The following ADAM8 variants were observed in gnomAD, a reference collection of about 807,000 sequenced individuals.
The protein encoded by ADAM8 is ADAM metallopeptidase domain 8.
ADAM8 carries 104 observed loss-of-function variants against 102.4 expected under a neutral mutation model. The observed-to-expected ratio is 1.02, with a 90% confidence interval of 0.87 to 1.20. The LOEUF is 1.20. ADAM8 is among the 50% of genes most tolerant of loss of function. ADAM8 has a pLI of 0.00. For missense variants in ADAM8, 1,132 were observed against 1,159.0 expected, an observed-to-expected ratio of 0.98 and a Z score of 0.34; for synonymous variants, 517 against 485.2, an observed-to-expected ratio of 1.07 and a Z score of -0.86.
At position 133,272,874 on chromosome 10, in the gene ADAM8, C is replaced by T; in HGVS notation, c.637-8G>A. ...GCTCCCCAGCATCTGGAACTGGGGA[C>T]ACGAGACCCTCAGGCTGGAGCCCAC... On this transcript the variant is annotated splice_region_variant and splice_polypyrimidine_tract_variant and intron_variant, in intron 7 of 22. Coordinates refer to ENST00000445355, the MANE Select transcript of ADAM8 (RefSeq NM_001109.5). 1 of 1,611,426 alleles carries T rather than the reference C, an allele frequency of 6.2e-7. No homozygotes were observed.
At chr10:133,271,461 C>T in intron 12 of ADAM8, 67 bp downstream of exon 12, 1 of 1,498,956 alleles carries the variant, frequency 6.7e-7, no homozygotes, top group Non-Finnish European at 9.0e-7. Context: ...AGTGGTCACC[C>T]TGGCCTGAAG....
chr10:133,274,393 AGAGGGTGGAGGGTGGAGGGTAGGGG>A, intron 2 of ADAM8, among the ~76,000 whole-genome samples, 158 bp from the exon 3 acceptor site: 1 of 122,060 alleles, frequency 8.2e-6, no homozygotes. Context: ...CAGGCAGGGT[AGAGGGTGGAGGGTGGAGGGTAGGGG>A]GCAGGGGGTG....
At chr10:133,275,164 G>C (rs927341575) in intron 2 of ADAM8, among the ~76,000 whole-genome samples, 1 of 152,152 alleles carries the variant, frequency 6.6e-6, no homozygotes, top group South Asian at 2.1e-4. Context: ...TGTCAACTCT[G>C]CGGTGAGCCA....
intron 8 of ADAM8, 62 bp downstream of exon 8, chr10:133,272,736 C>T (rs1846584345): frequency 1.4e-6 from 2 of 1,442,914 alleles, no homozygotes. Context: ...AACCCTGTGG[C>T]AACACCCCCC....
chr10:133,266,983 C>T (rs925593042), intron 21 of ADAM8, among the ~76,000 whole-genome samples: 1 of 113,882 alleles, frequency 8.8e-6, no homozygotes, highest in Non-Finnish European at 1.6e-5. Flanking sequence ...CCAAGGGAAG[C>T]GCGGAACGTG....
At chr10:133,271,330 C>G (rs909326419) in intron 12 of ADAM8, 41 bp from the exon 13 acceptor site, 3 of 1,588,522 alleles carry the variant, frequency 1.9e-6, no homozygotes, top group Admixed American at 3.5e-5. Context: ...GCACTGGGGC[C>G]GGGCTGGGCT....
In ADAM8 at chr10:133,273,367, C is replaced by T. The variant is rs776867006; in HGVS notation, c.460G>A (p.Val154Met). ...TGCAGCAGGTGCTCAGCCTGGTACA[C>T]GGCGTGCCGTCCGCCCTCGCCACCT... is the stretch of plus-strand genomic sequence containing the variant. ...DEGGEGGRHA[V>M]YQAEHLLQTA... is the part of the protein sequence containing the mutation. Residue 154 changes from valine to methionine, a missense_variant, in exon 6 of 23, where the codon GTG becomes ATG. Coordinates refer to ENST00000445355, the MANE Select transcript of ADAM8 (RefSeq NM_001109.5). 91 of 1,556,706 alleles carry T rather than the reference C, an allele frequency of 5.8e-5. No homozygotes were observed. The highest frequency in any genetic ancestry group is 2.9e-4 in the African/African-American group (21 of 73,328).
chr10:133,269,642 G>T (rs1846451599), intron 17 of ADAM8, 113 bp from the exon 18 acceptor site: 1 of 1,147,790 alleles, frequency 8.7e-7, no homozygotes, highest in Non-Finnish European at 1.2e-6. Context: ...GGGCCCCTCG[G>T]TCCCTGCCCA....
At chr10:133,267,293 C>A (rs1450984033) in intron 21 of ADAM8, 59 bp downstream of exon 21, 57 of 1,536,454 alleles carry the variant, frequency 3.7e-5, no homozygotes, top group Non-Finnish European at 2.9e-5. Context: ...AGACCCCAAT[C>A]CCATCAGGAA....
Position 133,273,350 on chromosome 10 carries a change from G to A in ADAM8, c.477C>T (p.His159=). 1 of 1,567,508 alleles carries A rather than the reference G, an allele frequency of 6.4e-7. No individual in the cohort carries two copies. Among genetic ancestry groups the A allele is most frequent in the Non-Finnish European group, 8.6e-7 (1 of 1,157,034 alleles). Residue 159 remains histidine (H), a synonymous_variant, in exon 6 of 23, where the codon CAC becomes CAT. Coordinates refer to ENST00000445355, the MANE Select transcript of ADAM8 (RefSeq NM_001109.5). ...CGCAGGTCCCGGCCGTCTGCAGCAGGTGCTCAGCCTGGTACACGGCGTGCC... is the reference window on the plus strand; with the variant it reads ...CGCAGGTCCCGGCCGTCTGCAGCAGATGCTCAGCCTGGTACACGGCGTGCC... ...GGRHAVYQAE[H]LLQTAGTCGV... is the part of the protein sequence containing the mutation.
intron 2 of ADAM8, chr10:133,274,851 C>T (rs1471250987): frequency 4.6e-6 from 2 of 434,142 alleles, no homozygotes; most frequent in African/African-American, 2.1e-5. Context: ...CCCCCATGTG[C>T]AGGCTGGGGC....
At chr10:133,275,323 G>A (rs1846711570) in intron 2 of ADAM8, among the ~76,000 whole-genome samples, 161 bp downstream of exon 2, 1 of 152,226 alleles carries the variant, frequency 6.6e-6, no homozygotes, top group Non-Finnish European at 1.5e-5. Flanking sequence ...CTCAGGCAGT[G>A]CTGGAGGGAG....
Position 133,276,826 on chromosome 10 carries a change from CG to C in ADAM8, c.-10del. 2 of 1,523,938 alleles carry C rather than the reference CG, an allele frequency of 1.3e-6. No homozygotes were observed. The highest frequency in any genetic ancestry group is 2.6e-5 in the East Asian group (1 of 38,120). The allele number at this position is 1,523,938 out of a possible 1,614,324, so 94.4% of individuals were successfully genotyped here. A position where few individuals can be genotyped will look rare whatever the true frequency, so the allele number is the denominator to read the frequency against. On this transcript the variant is annotated 5_prime_UTR_variant, in exon 1 of 23. Transcript: ENST00000445355. ...AGCCCGAGGCCGCGCATGGCCGGGT[CG>C]GGGAGCAGAGGCGGAGGTGACAGCC...
chr10:133,270,665 A>T, intron 15 of ADAM8, 71 bp downstream of exon 15: 1 of 1,557,116 alleles, frequency 6.4e-7, no homozygotes, highest in Non-Finnish European at 8.7e-7. Context: ...GACCCTTTGC[A>T]GAGGCCCTTC....
At position 133,268,802 on chromosome 10, in the gene ADAM8, A is replaced by G. The variant is rs1416643215; in HGVS notation, c.2009T>C (p.Val670Ala). The G allele has an allele frequency of 6.2e-7, 1 of 1,610,830 alleles. No homozygotes were observed. Among genetic ancestry groups the G allele is most frequent in the Non-Finnish European group, 8.5e-7 (1 of 1,179,880 alleles). ...GTAGACGATGATGCCTGCCAGGGTG[A>G]CCAGCACAACTGCCAGGAGCACCAG... is the stretch of plus-strand genomic sequence containing the variant. ...VVLVLLAVVLVTLAGIIVYRK... is the reference protein window; with the variant it reads ...VVLVLLAVVLATLAGIIVYRK... The change falls in exon 19 of 23, where the codon GTC becomes GCC. Residue 670 changes from valine (V) to alanine (A), a missense_variant. Val to Ala is a moderately conservative substitution (Grantham distance 64). Coordinates refer to ENST00000445355, the MANE Select transcript of ADAM8 (RefSeq NM_001109.5).
chr10:133,267,271 G>A (rs765843881), intron 21 of ADAM8, 81 bp downstream of exon 21: 79 of 1,453,204 alleles, frequency 5.4e-5, no homozygotes, highest in South Asian at 5.3e-4. Context: ...CCTGGCCCCC[G>A]GTGCAGTGCA....
At chr10:133,266,536 G>GT (rs1846327102) in intron 21 of ADAM8, among the ~76,000 whole-genome samples, 1 of 152,124 alleles carries the variant, frequency 6.6e-6, no homozygotes, top group South Asian at 2.1e-4. Context: ...GAGATGCACC[G>GT]TGGGACCTCT....
At position 133,272,601 on chromosome 10, in the gene ADAM8, A is replaced by G. The variant is rs766677314; in HGVS notation, c.706-16T>C. 6.2e-7 allele frequency: 1 copy of G among 1,600,042 alleles called. No individual in the cohort carries two copies. Among genetic ancestry groups the G allele is most frequent in the Non-Finnish European group, 8.5e-7 (1 of 1,172,812 alleles). On this transcript the variant is annotated splice_polypyrimidine_tract_variant and intron_variant, in intron 8 of 22. Coordinates refer to ENST00000445355, the MANE Select transcript of ADAM8 (RefSeq NM_001109.5). ...TCTGATATAGCTGGAGAGGTGGTGGAGTCCTGGGGGTCAGGCAGGGTGGCG... is the reference window on the plus strand; with the variant it reads ...TCTGATATAGCTGGAGAGGTGGTGGGGTCCTGGGGGTCAGGCAGGGTGGCG...
Position 133,273,334 on chromosome 10 carries a change from C to A in ADAM8, c.493G>T (p.Gly165Trp). 1 of 1,574,494 alleles carries A rather than the reference C, an allele frequency of 6.4e-7. No homozygotes were observed. Among genetic ancestry groups the A allele is most frequent in the African/African-American group, 1.3e-5 (1 of 74,082 alleles). Reference sequence around the variant, plus strand: ...CTGTCGTCGCTGACCCCGCAGGTCCCGGCCGTCTGCAGCAGGTGCTCAGCC... The same window carrying A: ...CTGTCGTCGCTGACCCCGCAGGTCCAGGCCGTCTGCAGCAGGTGCTCAGCC... ...YQAEHLLQTA[G>W]TCGVSDDSLG... The change falls in exon 6 of 23, where the codon GGG becomes TGG. Residue 165 changes from glycine (G) to tryptophan (W), a missense_variant. Coordinates refer to ENST00000445355, the MANE Select transcript of ADAM8 (RefSeq NM_001109.5).
Sources: gnomAD v4.1 joint callset for allele counts (sites outside exome capture counted in the v4.1 genomes callset) on GRCh38, gnomAD v4.1.1 for gene constraint, MANE v1.5 for transcripts, NCBI Gene and HGNC (gene_info 2026-07-23, HGNC 2026-07-21) for gene names.